MYH11: variants seen among roughly 807,000 people sequenced by gnomAD.
The protein encoded by MYH11 is myosin-11.
A neutral mutation model predicts 246.6 loss-of-function variants in MYH11; 80 were observed. That is an observed-to-expected ratio of 0.32 (90% CI 0.27 to 0.39). MYH11 has a LOEUF of 0.39. MYH11 is among the 10% of genes least tolerant of loss of function. The pLI is 1.00. For synonymous variants in MYH11, 1,071 were observed against 1,015.5 expected (o/e 1.05, Z -1.04); for missense variants, 2,158 against 2,546.8 (o/e 0.85, Z 3.29).
rs559735086 is a variant in MYH11 at position 15,832,211 on chromosome 16, C to A, written c.345+5697G>T. Among the ~76,000 whole-genome samples the A allele has an allele frequency of 4.6e-5, 7 of 152,268 alleles. No individual in the cohort carries two copies. In the East Asian group the frequency reaches 1.4e-3, roughly 29 times the overall value. On this transcript the variant is annotated intron_variant, in intron 2 of 40. Coordinates refer to ENST00000300036, the MANE Select transcript of MYH11 (RefSeq NM_002474.3). ...CCCCCTGGGCATTCCAGAAGCAGAA[C>A]CAGAACTGGAAAAATGTCCTTTGGG... is the stretch of plus-strand genomic sequence containing the variant.
intron 10 of MYH11, among the ~76,000 whole-genome samples, chr16:15,761,083 T>C (rs2041857404): frequency 6.6e-6 from 1 of 152,150 alleles, no homozygotes; most frequent in Non-Finnish European, 1.5e-5. Flanking sequence ...CTGAGATAGA[T>C]AGATTTATTT....
intron 40 of MYH11, chr16:15,712,882 G>GTTTTTGTTTTTTTTTTTTTTTTTTTTTT (rs2039888063): frequency 1.1e-5 from 1 of 90,636 alleles, no homozygotes; most frequent in African/African-American, 4.5e-5. Flanking sequence ...TTCACATACA[G>GTTTTTGTTTTTTTTTTTTTTTTTTTTTT]TTTTTTTTTT....
intron 3 of MYH11, among the ~76,000 whole-genome samples, chr16:15,821,557 C>G: frequency 1.3e-5 from 2 of 152,096 alleles, no homozygotes; most frequent in Non-Finnish European, 2.9e-5. Flanking sequence ...TTCTCCTTTG[C>G]TAACAGAATT....
chr16:15,795,054 A>G (rs1168973233), intron 4 of MYH11, among the ~76,000 whole-genome samples: 1 of 152,192 alleles, frequency 6.6e-6, no homozygotes, highest in Non-Finnish European at 1.5e-5. Context: ...CTGTAATCCC[A>G]GCACTTTGGG....
At chr16:15,829,792 G>C (rs1212796824) in intron 2 of MYH11, among the ~76,000 whole-genome samples, 1 of 152,152 alleles carries the variant, frequency 6.6e-6, no homozygotes, top group African/African-American at 2.4e-5. Flanking sequence ...CAGCAGAAAT[G>C]AGGAACAGGG....
intron 4 of MYH11, 28 bp from the exon 5 acceptor site, chr16:15,786,760 C>A (rs1428045516): frequency 1.9e-6 from 3 of 1,588,564 alleles, no homozygotes; most frequent in Non-Finnish European, 2.6e-6. Flanking sequence ...ATCATCTATG[C>A]ACACGTTCCA....
chr16:15,713,423 A>T (rs1231150672), intron 40 of MYH11: 1 of 152,266 alleles, frequency 6.6e-6, no homozygotes, highest in Non-Finnish European at 1.5e-5. Context: ...GAAAAGCAGC[A>T]GAGAGTGAGA....
At chr16:15,758,054 A>T in intron 12 of MYH11, 54 bp from the exon 13 acceptor site, 22 of 1,611,414 alleles carry the variant, frequency 1.4e-5, no homozygotes, top group Non-Finnish European at 1.9e-5. Context: ...AAGTCAGAAG[A>T]CAAGGAGCCC....
At position 15,737,527 on chromosome 16, in the gene MYH11, G is replaced by C. The variant is rs1464645379; in HGVS notation, c.3215C>G (p.Ala1072Gly). The change falls in exon 25 of 41, where the codon GCT (alanine) becomes GGT (glycine). Residue 1072 changes from alanine (A) to glycine (G), a missense_variant. Transcript: ENST00000300036. ...CTCTGCGATCTGCGCCTGGAGGTCA[G>C]CGATCTGCTCGTGGAAGTCGCTGGC... ...GDASDFHEQI[A>G]DLQAQIAELK... 6.2e-7 allele frequency: 1 copy of C among 1,614,072 alleles called. No homozygotes were observed. The highest frequency in any genetic ancestry group is 1.1e-5 in the South Asian group (1 of 91,086).
At chr16:15,774,321 C>T (rs2151294341) in intron 8 of MYH11, among the ~76,000 whole-genome samples, 2 of 152,310 alleles carry the variant, frequency 1.3e-5, no homozygotes, top group East Asian at 3.9e-4. Flanking sequence ...GAATTTAGTT[C>T]TGAGCCCTAT....
rs901073199 is a variant in MYH11 at position 15,825,803 on chromosome 16, T to C, written c.346-2392A>G. Among the ~76,000 whole-genome samples, 77 of 152,052 alleles carry C rather than the reference T, an allele frequency of 5.1e-4. 5 individuals are homozygous for C. ...GTCATGATTTTTCCTTACTGGATAC[T>C]AGATTTTCCCATGGTTGAGGTCACA... On this transcript the variant is annotated intron_variant, in intron 2 of 40. Coordinates refer to ENST00000300036, the MANE Select transcript of MYH11 (RefSeq NM_002474.3).
At chr16:15,793,615 C>CTTTTTTTTTTTTTTT (rs572455483) in intron 4 of MYH11, among the ~76,000 whole-genome samples, 3 of 93,820 alleles carry the variant, frequency 3.2e-5, no homozygotes, top group Non-Finnish European at 5.9e-5. Context: ...CTTTTCTTTT[C>CTTTTTTTTTTTTTTT]TTTTTTTTTT....
At chr16:15,837,558 C>A (rs1596935695) in intron 2 of MYH11, among the ~76,000 whole-genome samples, 2 of 115,032 alleles carry the variant, frequency 1.7e-5, no homozygotes, top group African/African-American at 3.3e-5. Context: ...TTTTTTGAGA[C>A]AGAGTCTTAT....
chr16:15,732,426 T>C lies in MYH11; in HGVS notation c.3651+138A>G, dbSNP rs568752813. 12 of 1,305,598 alleles carry C rather than the reference T, an allele frequency of 9.2e-6. No homozygotes were observed. In the East Asian group the frequency reaches 2.5e-4, roughly 28 times the overall value. 80.9% of individuals were successfully genotyped at this position (1,305,598 alleles called of 1,614,324 possible). ...GTATGGGAAGCATTTTGTAAATAAATATAAGCTGCTATCATCATCATTAGA... is the reference window on the plus strand; with the variant it reads ...GTATGGGAAGCATTTTGTAAATAAACATAAGCTGCTATCATCATCATTAGA... On this transcript the variant is annotated intron_variant, in intron 27 of 40. Transcript: ENST00000300036.
In MYH11 at chr16:15,725,607, T is replaced by G. The variant is rs2040715196; in HGVS notation, c.3859-615A>C. 5.9e-5 allele frequency: 24 copies of G among 405,414 alleles called. No homozygotes were observed. In the East Asian group the frequency reaches 8.5e-4, roughly 14 times the overall value. 25.1% of individuals were successfully genotyped at this position (405,414 alleles called of 1,614,324 possible). ...CCATCTCTTCCATTGACAAGGAGGA[T>G]ATGAATGATCTTGACACTGCTTATA... On this transcript the variant is annotated intron_variant, in intron 28 of 40. Transcript: ENST00000300036.
chr16:15,739,246 C>A (rs925975478), intron 23 of MYH11, among the ~76,000 whole-genome samples: 6 of 151,896 alleles, frequency 4.0e-5, no homozygotes, highest in African/African-American at 1.2e-4. Flanking sequence ...ACTACAGGCG[C>A]CCGCCAACAC....
chr16:15,748,761 AT>A (rs1334166460), intron 16 of MYH11, among the ~76,000 whole-genome samples: 7 of 152,054 alleles, frequency 4.6e-5, no homozygotes, highest in African/African-American at 1.4e-4. Flanking sequence ...GACCACAGGT[AT>A]GTGCTACCAT....
intron 2 of MYH11, among the ~76,000 whole-genome samples, chr16:15,833,203 A>G (rs1313514145): frequency 6.6e-6 from 1 of 151,550 alleles, no homozygotes; most frequent in Non-Finnish European, 1.5e-5. Flanking sequence ...GGAGACTGAG[A>G]TAGGATCCCT....
rs935729628 is a variant in MYH11, at chr16:15,747,700, A to G, written c.2281T>C (p.Tyr761His). 5 of 1,614,002 alleles carry G rather than the reference A, an allele frequency of 3.1e-6. No homozygotes were observed. The highest frequency in any genetic ancestry group is 3.4e-6 in the Non-Finnish European group (4 of 1,179,982). Residue 761 changes from tyrosine (Y) to histidine (H), a missense_variant, in exon 19 of 41, where the codon TAC becomes CAC. Tyr to His is a moderately conservative substitution (Grantham distance 83, BLOSUM62 2). Around this residue, in one of 11 missense-constraint regions of MYH11, gnomAD observed 56 missense variants for 47.2 expected, o/e 1.19. Coordinates refer to ENST00000300036, the MANE Select transcript of MYH11 (RefSeq NM_002474.3). ...AAGATTTTGCTCTGCCCTATCCTGT[A>G]TAAGTTGGGGTCAAGTTCCAGGGCT... ...IKALELDPNL[Y>H]RIGQSKIFFR... is the part of the protein sequence containing the mutation.
Sources: gnomAD v4.1 joint callset for allele counts (sites outside exome capture counted in the v4.1 genomes callset) on GRCh38, gnomAD v4.1.1 for gene constraint, gnomAD v4.1.1 regional missense constraint, MANE v1.5 for transcripts, NCBI Gene and HGNC (gene_info 2026-07-23, HGNC 2026-07-21) for gene names.